Variants in ANKRD42 observed in about 807,000 individuals in gnomAD.
ANKRD42 encodes the protein ankyrin repeat domain 42, also known as ankyrin repeat domain-containing protein 42.
In ANKRD42, 43 loss-of-function variants were observed where a neutral mutation model predicts 51.5. That is an observed-to-expected ratio of 0.83 (90% confidence interval 0.65 to 1.08). ANKRD42 has a LOEUF of 1.08. Ranked by LOEUF, ANKRD42 falls within the 50% of genes least tolerant of loss-of-function variation. The probability of loss-of-function intolerance (pLI) is 0.00; values close to 1 mark genes in which losing one functional copy is unlikely to be tolerated. For missense variants in ANKRD42, 608 were observed against 629.3 expected, an observed-to-expected ratio of 0.97 and a Z score of 0.36; for synonymous variants, 203 against 213.0, an observed-to-expected ratio of 0.95 and a Z score of 0.41.
chr11:83,225,428 G>A (rs1323007206), intron 6 of ANKRD42, among the ~76,000 whole-genome samples: 1 of 151,994 alleles, frequency 6.6e-6, no homozygotes, highest in East Asian at 1.9e-4. Context: ...TTAGCTGTAT[G>A]TGGAGGCATG....
chr11:83,205,973 T>G (rs1376777390), intron 2 of ANKRD42, 85 bp from the exon 3 acceptor site: 1 of 1,124,588 alleles, frequency 8.9e-7, no homozygotes, highest in Non-Finnish European at 1.3e-6. Context: ...TACAGTCTGC[T>G]ATTTTATGAT....
downstream of ANKRD42, chr11:83,261,858 T>C (rs1863942421): frequency 1.5e-6 from 2 of 1,303,936 alleles, no homozygotes; most frequent in Non-Finnish European, 2.2e-6. Flanking sequence ...AGTAAATCTC[T>C]CCCGGTTTGG....
rs754123887 is a variant in ANKRD42 at position 83,247,927 on chromosome 11, A to T, written c.1323-16A>T. ...GACATTGATGATTGATTTTTAAAAA[A>T]TTTTGTTTTTGATAGGACCATCAAA... On this transcript the variant is annotated splice_polypyrimidine_tract_variant and intron_variant, in intron 10 of 10. Coordinates refer to ENST00000533342, the MANE Select transcript of ANKRD42 (RefSeq NM_001300975.2). The T allele has an allele frequency of 1.4e-4, 221 of 1,575,292 alleles. 1 individual carries two copies. In the South Asian group the frequency reaches 1.8e-3, roughly 13 times the overall value.
At chr11:83,258,043 TTTC>T (rs1362433857), downstream of ANKRD42, among the ~76,000 whole-genome samples, 4 of 152,190 alleles carry the variant, frequency 2.6e-5, no homozygotes, top group Admixed American at 6.5e-5. Context: ...CTCTTGCTCT[TTTC>T]TTCTTCTGGA....
chr11:83,257,052 G>A (rs374361926), downstream of ANKRD42, among the ~76,000 whole-genome samples: 102 of 152,256 alleles, frequency 6.7e-4, 1 homozygote, highest in South Asian at 0.021. Context: ...GAAAGCCACA[G>A]AAGAACTAAA....
chr11:83,259,395 A>G (rs530759138), downstream of ANKRD42: 2 of 152,310 alleles, frequency 1.3e-5, no homozygotes, highest in Admixed American at 6.5e-5. Flanking sequence ...AGGGTATGGT[A>G]TGCATATTTC....
chr11:83,249,106 A>G, downstream of ANKRD42: 1 of 564,990 alleles, frequency 1.8e-6, no homozygotes, highest in Non-Finnish European at 2.2e-6. Flanking sequence ...TTTATAACTC[A>G]CTGCTTCCAA....
chr11:83,211,052 A>G (rs1862295502), intron 4 of ANKRD42, among the ~76,000 whole-genome samples: 1 of 152,222 alleles, frequency 6.6e-6, no homozygotes. Context: ...GACTGGTAAG[A>G]TGACTAGTTA....
chr11:83,254,435 C>CTTTTTT (rs1296141872), intron 11 of ANKRD42, among the ~76,000 whole-genome samples: 3 of 136,300 alleles, frequency 2.2e-5, no homozygotes, highest in Admixed American at 7.3e-5. Context: ...TTTTTCTTTT[C>CTTTTTT]TTTTTTTTTT....
Position 83,240,860 on chromosome 11 carries a change from G to C in ANKRD42, c.1121G>C (p.Arg374Thr). Residue 374 changes from arginine to threonine, a missense_variant, in exon 9 of 11, where the codon AGA becomes ACA. By Grantham distance (71) the Arg-to-Thr change is moderately conservative. Coordinates refer to ENST00000533342, the MANE Select transcript of ANKRD42 (RefSeq NM_001300975.2). The part of the protein sequence containing the change: ...IDENDVKYFI[R>T]HGVEGSTDAK... ...GAAAATGATGTGAAATATTTTATAA[G>C]ACATGGTGTTGAGGGAAGCACTGAT... 6.2e-7 allele frequency: 1 copy of C among 1,614,098 alleles called. No individual in the cohort carries two copies. Among genetic ancestry groups the C allele is most frequent in the East Asian group, 2.2e-5 (1 of 44,872 alleles).
intron 1 of ANKRD42, among the ~76,000 whole-genome samples, chr11:83,195,966 C>G (rs1861636496): frequency 6.6e-6 from 1 of 151,938 alleles, no homozygotes; most frequent in Admixed American, 6.6e-5. Flanking sequence ...CTGCGTCAGC[C>G]TCCCGAGTAG....
downstream of ANKRD42, among the ~76,000 whole-genome samples, chr11:83,262,717 T>A (rs1032581983): frequency 2.0e-5 from 3 of 152,218 alleles, no homozygotes; most frequent in Non-Finnish European, 2.9e-5. Context: ...TTATTCATAA[T>A]GTATAAACCC....
chr11:83,236,464 A>G lies in ANKRD42; in HGVS notation c.974A>G (p.Asn325Ser). The G allele has an allele frequency of 6.2e-7, 1 of 1,612,474 alleles. No homozygotes were observed. The highest frequency in any genetic ancestry group is 8.5e-7 in the Non-Finnish European group (1 of 1,179,460). The stretch of plus-strand genomic sequence containing the variant: ...TTAATTAAAATGGGAGCAGACAGTA[A>G]TATTACCAACAAAGCAGGGGAGAGA... ...QWLIKMGADS[N>S]ITNKAGERPS... Residue 325 changes from asparagine (N) to serine (S), a missense_variant, in exon 8 of 11, where the codon AAT becomes AGT. Asn to Ser is a conservative substitution (Grantham distance 46, BLOSUM62 1). Transcript: ENST00000533342.
chr11:83,211,027 T>C (rs1862294461), intron 4 of ANKRD42, among the ~76,000 whole-genome samples: 1 of 152,228 alleles, frequency 6.6e-6, no homozygotes, highest in Non-Finnish European at 1.5e-5. Flanking sequence ...TTCATTTTAT[T>C]GGTCAGGAAT....
chr11:83,232,607 C>T (rs918750393), intron 7 of ANKRD42, among the ~76,000 whole-genome samples: 1 of 152,112 alleles, frequency 6.6e-6, no homozygotes, highest in Non-Finnish European at 1.5e-5. Context: ...TCTTATTGCT[C>T]TAGCTGGGAC....
At chr11:83,228,332 A>G (rs1862962055) in intron 7 of ANKRD42, among the ~76,000 whole-genome samples, 1 of 131,560 alleles carries the variant, frequency 7.6e-6, no homozygotes, top group Non-Finnish European at 1.5e-5. Context: ...GGCTCAAGTC[A>G]TCCTCCCAAG....
chr11:83,197,095 A>G (rs539352702), intron 1 of ANKRD42, among the ~76,000 whole-genome samples: 3 of 152,216 alleles, frequency 2.0e-5, no homozygotes, highest in African/African-American at 7.2e-5. Flanking sequence ...GTGTGTGTGT[A>G]TGTGTACATG....
At chr11:83,224,183 A>G (rs1252091850) in intron 5 of ANKRD42, among the ~76,000 whole-genome samples, 9 of 152,062 alleles carry the variant, frequency 5.9e-5, no homozygotes, top group Non-Finnish European at 1.3e-4. Context: ...TTTATAATAA[A>G]AAGAATAAAT....
chr11:83,213,377 C>T, intron 5 of ANKRD42: 2 of 1,575,108 alleles, frequency 1.3e-6, no homozygotes, highest in Non-Finnish European at 1.7e-6. Context: ...ACCCCAACGC[C>T]AGGCTGCGCA....
Sources: gnomAD v4.1 joint callset for allele counts (sites outside exome capture counted in the v4.1 genomes callset) on GRCh38, gnomAD v4.1.1 for gene constraint, MANE v1.5 for transcripts, NCBI Gene and HGNC (gene_info 2026-07-23, HGNC 2026-07-21) for gene names.